Variants in CLEC16A observed in about 807,000 individuals in gnomAD.
The protein encoded by CLEC16A is protein CLEC16A.
CLEC16A carries 51 observed loss-of-function variants against 109.5 expected under a neutral mutation model. The observed-to-expected ratio is 0.47, with a 90% CI of 0.37 to 0.59. CLEC16A has a LOEUF of 0.59. Among genes scored for constraint, CLEC16A ranks in the 20% least tolerant of loss-of-function variants. CLEC16A has a pLI of 0.00. For synonymous variants in CLEC16A, 673 were observed against 564.2 expected, an observed-to-expected ratio of 1.19 and a Z score of -2.73; for missense variants, 1,339 against 1,394.0, an observed-to-expected ratio of 0.96 and a Z score of 0.63.
At chr16:10,998,635 T>G (rs1381404508) in intron 10 of CLEC16A, among the ~76,000 whole-genome samples, 1 of 152,212 alleles carries the variant, frequency 6.6e-6, no homozygotes. Context: ...AAGTTTGGCT[T>G]TTTTTCCCCT....
chr16:11,178,343 A>C lies in CLEC16A; in HGVS notation c.2815A>C (p.Met939Leu). The C allele has an allele frequency of 6.2e-7, 1 of 1,605,088 alleles. No homozygotes were observed. Among genetic ancestry groups the C allele is most frequent in the Non-Finnish European group, 8.5e-7 (1 of 1,173,036 alleles). ...STAQSPADAP[M>L]SPELPKPHLP... is the part of the protein sequence containing the mutation. The stretch of plus-strand genomic sequence containing the variant: ...TTTCTCCCCCAATCCAGATGCCCCC[A>C]TGAGTCCAGAACTGCCTAAGCCTCA... Residue 939 changes from methionine (M) to leucine (L), a missense_variant, in exon 24 of 24, where the codon ATG (methionine) becomes CTG (leucine). This residue lies in a region of CLEC16A where 1,061 missense variants were observed against 1,006.8 expected (regional missense o/e 1.05). Coordinates refer to ENST00000409790, the MANE Select transcript of CLEC16A (RefSeq NM_015226.3). This position sits in a 1 kb window ranked among gnomAD's most constrained non-coding sequence, Gnocchi z 6.5.
At chr16:10,994,462 C>CT (rs1235603252) in intron 10 of CLEC16A, among the ~76,000 whole-genome samples, 1 of 152,192 alleles carries the variant, frequency 6.6e-6, no homozygotes, top group Non-Finnish European at 1.5e-5. Context: ...ACCCGGCTTC[C>CT]TTTTTCAGCC....
rs57265284 is a variant in CLEC16A, at chr16:10,985,220, A to AATATAT, written c.1071+2241_1071+2246dup. Among the ~76,000 whole-genome samples, 129 of 104,068 alleles carry AATATAT rather than the reference A, an allele frequency of 1.2e-3. 3 individuals carry two copies. Among genetic ancestry groups the AATATAT allele is most frequent in the South Asian group, 7.8e-3 (24 of 3,082 alleles). 68.3% of individuals were successfully genotyped at this position (104,068 alleles called of 152,430 possible). ...TCCATCTCAAAAAAAAAAAAAAAAA[A>AATATAT]ATATATATATATATATAGTGCCCAT... is the stretch of plus-strand genomic sequence containing the variant. On this transcript the variant is annotated intron_variant, in intron 10 of 23. Transcript: ENST00000409790.
rs529671658 is a variant in CLEC16A, at chr16:11,174,352, G to C, written c.2807-3983G>C. ...TGCATTTCCACAGTCGGCAGGGTCC[G>C]CGCTGGCAAGGTGGGCCAAGCTGGG... On this transcript the variant is annotated intron_variant, in intron 23 of 23. Coordinates refer to ENST00000409790, the MANE Select transcript of CLEC16A (RefSeq NM_015226.3). The surrounding 1 kb of genome is among the most constrained non-coding windows in gnomAD (Gnocchi z 4.7). The C allele has an allele frequency of 7.2e-5, 29 of 400,064 alleles. No individual in the cohort carries two copies. The highest frequency in any genetic ancestry group is 5.3e-4 in the African/African-American group (26 of 48,988). The allele number at this position is 400,064 out of a possible 1,614,324, so 24.8% of individuals were successfully genotyped here.
chr16:11,114,033 A>C (rs1172382303), intron 19 of CLEC16A, among the ~76,000 whole-genome samples: 1 of 151,860 alleles, frequency 6.6e-6, no homozygotes, highest in Non-Finnish European at 1.5e-5. Flanking sequence ...CTGCATCCTC[A>C]TTATACCTGA....
Position 11,178,445 on chromosome 16 carries a change from G to T in CLEC16A, c.2917G>T (p.Ala973Ser). The part of the protein sequence containing the change: ...KPSKNVARSA[A>S]VETASLSPSL... ...CAGCAAGAACGTGGCCAGGAGCGCAGCCGTGGAGACAGCCAGCCTGTCCCC... is the reference window on the plus strand; with the variant it reads ...CAGCAAGAACGTGGCCAGGAGCGCATCCGTGGAGACAGCCAGCCTGTCCCC... Residue 973 changes from alanine (A) to serine (S), a missense_variant, in exon 24 of 24, where the codon GCC (alanine) becomes TCC (serine). Ala to Ser is a moderately conservative substitution (Grantham distance 99). Around this residue, in one of 3 missense-constraint regions of CLEC16A, gnomAD observed 1,061 missense variants for 1,006.8 expected, o/e 1.05. Transcript: ENST00000409790. This position sits in a 1 kb window ranked among gnomAD's most constrained non-coding sequence, Gnocchi z 6.5. 1 of 1,613,538 alleles carries T rather than the reference G, an allele frequency of 6.2e-7. No individual in the cohort carries two copies. The highest frequency in any genetic ancestry group is 8.5e-7 in the Non-Finnish European group (1 of 1,179,886).
intron 19 of CLEC16A, among the ~76,000 whole-genome samples, chr16:11,086,929 CA>C (rs1430075463): frequency 1.3e-5 from 2 of 152,208 alleles, no homozygotes; most frequent in South Asian, 2.1e-4. Flanking sequence ...CAGGAATCCT[CA>C]GGGGGAGGCC....
chr16:11,023,357 C>A (rs990732355), intron 12 of CLEC16A, among the ~76,000 whole-genome samples: 33 of 152,200 alleles, frequency 2.2e-4, no homozygotes, highest in African/African-American at 7.7e-4. Flanking sequence ...AAAATATAAT[C>A]CAAATTTCAA....
chr16:11,151,823 G>T (rs182528528), intron 22 of CLEC16A, among the ~76,000 whole-genome samples: 256 of 152,348 alleles, frequency 1.7e-3, no homozygotes, highest in African/African-American at 5.7e-3. Flanking sequence ...ACTTTCGGGG[G>T]GCGGGGGCCG....
chr16:11,130,053 C>G (rs1005565966), intron 22 of CLEC16A, among the ~76,000 whole-genome samples: 1 of 152,198 alleles, frequency 6.6e-6, no homozygotes. Flanking sequence ...TGAGCCACCG[C>G]ACCCAGCCTA....
At chr16:11,087,218 C>T (rs547346593) in intron 19 of CLEC16A, among the ~76,000 whole-genome samples, 56 of 152,152 alleles carry the variant, frequency 3.7e-4, no homozygotes, top group African/African-American at 1.3e-3. Flanking sequence ...CACCCCCATC[C>T]CCCACCTGCT....
At chr16:11,105,336 G>T (rs1478327859) in intron 19 of CLEC16A, among the ~76,000 whole-genome samples, 1 of 152,210 alleles carries the variant, frequency 6.6e-6, no homozygotes, top group Admixed American at 6.5e-5. Flanking sequence ...TGAACTGCAC[G>T]TATTGAAGAA....
chr16:11,021,721 A>G lies in CLEC16A; in HGVS notation c.1436+1396A>G, dbSNP rs76836421. On this transcript the variant is annotated intron_variant, in intron 12 of 23. Coordinates refer to ENST00000409790, the MANE Select transcript of CLEC16A (RefSeq NM_015226.3). ...GCTGAGGTGGGAGATTGCTTGAGCCAGAGAGGTCAAGGCTGCAATGCACTA... is the reference window on the plus strand; with the variant it reads ...GCTGAGGTGGGAGATTGCTTGAGCCGGAGAGGTCAAGGCTGCAATGCACTA... 5.9e-5 allele frequency among the ~76,000 whole-genome samples: 9 copies of G among 152,290 alleles called. No homozygotes were observed. The East Asian group carries it at 1.4e-3, about 23-fold the overall frequency.
At chr16:11,113,638 GAC>G (rs1322425882) in intron 19 of CLEC16A, among the ~76,000 whole-genome samples, 5 of 152,094 alleles carry the variant, frequency 3.3e-5, no homozygotes, top group Admixed American at 6.5e-5. Context: ...CAGCCTGGGT[GAC>G]AGAGTGAGAC....
At chr16:11,039,490 A>G (rs2047200999) in intron 13 of CLEC16A, among the ~76,000 whole-genome samples, 1 of 152,208 alleles carries the variant, frequency 6.6e-6, no homozygotes, top group Non-Finnish European at 1.5e-5. Context: ...AAGAGGGGAC[A>G]GGCGCAGTGG....
At chr16:11,169,547 A>G (rs138883234) in intron 23 of CLEC16A, among the ~76,000 whole-genome samples, 27 of 152,296 alleles carry the variant, frequency 1.8e-4, no homozygotes, top group Admixed American at 8.5e-4. Flanking sequence ...TCAGCCTCCC[A>G]AAGTGCTGGC....
chr16:11,055,114 C>T (rs541338852), intron 18 of CLEC16A, among the ~76,000 whole-genome samples: 1 of 152,296 alleles, frequency 6.6e-6, no homozygotes, highest in African/African-American at 2.4e-5. Flanking sequence ...GTGCCAAATA[C>T]TGTGTTAGCC....
intron 19 of CLEC16A, among the ~76,000 whole-genome samples, chr16:11,088,671 G>A (rs1315625368): frequency 1.3e-5 from 2 of 152,156 alleles, no homozygotes; most frequent in African/African-American, 2.4e-5. Context: ...GCTAGAGGCA[G>A]TGCTTGGCAC....
chr16:10,986,204 G>A (rs1460229929), intron 10 of CLEC16A, among the ~76,000 whole-genome samples: 1 of 151,072 alleles, frequency 6.6e-6, no homozygotes, highest in Non-Finnish European at 1.5e-5. Context: ...CTCATTTTTT[G>A]TATTTTTAGT....
Sources: allele counts gnomAD v4.1 joint callset (sites outside exome capture counted in the v4.1 genomes callset), GRCh38; gene constraint gnomAD v4.1.1; regional missense constraint gnomAD v4.1.1; non-coding constraint Gnocchi (gnomAD v3.1); transcripts MANE v1.5; gene names NCBI Gene and HGNC (gene_info 2026-07-23, HGNC 2026-07-21).